SH2D4A: variants seen among roughly 807,000 people sequenced by gnomAD.
SH2D4A encodes SH2 domain-containing protein 4A.
A neutral mutation model predicts 64.7 loss-of-function variants in SH2D4A; 70 were observed. That is an observed-to-expected ratio of 1.08 (90% CI 0.89 to 1.32). The LOEUF (loss-of-function observed/expected upper bound fraction) is 1.32. Among genes scored for constraint, SH2D4A ranks in the 40% most tolerant of loss-of-function variants. SH2D4A has a pLI of 0.00. For synonymous variants in SH2D4A, 268 were observed against 200.7 expected, an observed-to-expected ratio of 1.34 and a Z score of -2.83; for missense variants, 706 against 540.1, an observed-to-expected ratio of 1.31 and a Z score of -3.04.
intron 4 of SH2D4A, among the ~76,000 whole-genome samples, chr8:19,346,508 C>T (rs2052615509): frequency 6.6e-6 from 1 of 152,206 alleles, no homozygotes; most frequent in Non-Finnish European, 1.5e-5. Flanking sequence ...ACTGATTCTG[C>T]ATTATGAATT....
Position 19,357,209 on chromosome 8 carries a change from T to C in SH2D4A, c.520T>C (p.Ser174Pro), listed in dbSNP as rs2052806339. The C allele has an allele frequency of 1.2e-6, 2 of 1,612,964 alleles. No homozygotes were observed. The highest frequency in any genetic ancestry group is 1.1e-5 in the South Asian group (1 of 91,058). ...TGTTTCGTTTAATTTTTAGTCACTC[T>C]CCAGTTCTTCAAGAAATATTCAACA... ...TLEEEKIRSL[S>P]SSSRNIQQML... The change falls in exon 5 of 10, where the codon TCC becomes CCC. Residue 174 changes from serine (S) to proline (P), a missense_variant. By Grantham distance (74) the Ser-to-Pro change is moderately conservative. Transcript: ENST00000265807.
chr8:19,374,422 G>A (rs762242321), intron 8 of SH2D4A, among the ~76,000 whole-genome samples: 1 of 152,110 alleles, frequency 6.6e-6, no homozygotes, highest in Admixed American at 6.6e-5. Flanking sequence ...AACAAAAGGT[G>A]CTTTAAAACA....
At chr8:19,323,381 A>ATTT (rs750438816) in intron 2 of SH2D4A, among the ~76,000 whole-genome samples, 1 of 141,928 alleles carries the variant, frequency 7.0e-6, no homozygotes, top group African/African-American at 2.6e-5. Context: ...GTTCCTTTTG[A>ATTT]TTTTTTTTTT....
intron 8 of SH2D4A, among the ~76,000 whole-genome samples, chr8:19,375,861 T>A (rs1463247349): frequency 6.6e-6 from 1 of 152,178 alleles, no homozygotes; most frequent in African/African-American, 2.4e-5. Flanking sequence ...CATAAATTTA[T>A]ACAATTGTAA....
chr8:19,345,332 C>T (rs2052596706), intron 4 of SH2D4A, among the ~76,000 whole-genome samples: 1 of 152,230 alleles, frequency 6.6e-6, no homozygotes, highest in Non-Finnish European at 1.5e-5. Context: ...TAGCTCTACA[C>T]ATGCAGATCT....
chr8:19,352,115 A>G (rs528157774), intron 4 of SH2D4A, among the ~76,000 whole-genome samples: 7 of 152,328 alleles, frequency 4.6e-5, no homozygotes, highest in African/African-American at 1.4e-4. Flanking sequence ...GGGAATATTA[A>G]GTTAGAAGCC....
At chr8:19,376,780 T>C (rs2053202995) in intron 8 of SH2D4A, among the ~76,000 whole-genome samples, 1 of 152,160 alleles carries the variant, frequency 6.6e-6, no homozygotes, top group Non-Finnish European at 1.5e-5. Context: ...ACTGTGCTGG[T>C]CTGCTTGCTA....
chr8:19,352,171 T>G (rs188159392), intron 4 of SH2D4A, among the ~76,000 whole-genome samples: 2 of 152,364 alleles, frequency 1.3e-5, no homozygotes, highest in East Asian at 3.9e-4. Context: ...AACATAATTC[T>G]TCTCATTTGA....
intron 9 of SH2D4A, 134 bp from the exon 10 acceptor site, chr8:19,394,416 C>A: frequency 1.8e-6 from 1 of 566,660 alleles, no homozygotes; most frequent in Non-Finnish European, 3.0e-6. Context: ...AAGAAAAATG[C>A]CTTTTAAGAT....
intron 2 of SH2D4A, among the ~76,000 whole-genome samples, chr8:19,325,941 G>A (rs1003824831): frequency 3.9e-5 from 6 of 152,142 alleles, no homozygotes; most frequent in African/African-American, 1.2e-4. Flanking sequence ...TCACCCTGCC[G>A]CTCTGTGGAG....
intron 4 of SH2D4A, among the ~76,000 whole-genome samples, chr8:19,346,054 T>A (rs1185065758): frequency 6.6e-6 from 1 of 152,238 alleles, no homozygotes; most frequent in Admixed American, 6.5e-5. Flanking sequence ...TGGTTTAAAA[T>A]TTTTATTATA....
At position 19,394,667 on chromosome 8, in the gene SH2D4A, A is replaced by C. The variant is rs2053557634; in HGVS notation, c.*25A>C. 9 of 1,568,994 alleles carry C rather than the reference A, an allele frequency of 5.7e-6. No homozygotes were observed. Among genetic ancestry groups the C allele is most frequent in the Non-Finnish European group, 6.9e-6 (8 of 1,152,246 alleles). On this transcript the variant is annotated 3_prime_UTR_variant, in exon 10 of 10. Transcript: ENST00000265807. ...ACAGCCTCCATCAGGGTCATCCTAC[A>C]GCCTCCAAGCGGGCTTTCCCCTGGA...
intron 1 of SH2D4A, among the ~76,000 whole-genome samples, chr8:19,317,552 G>C (rs1460976611): frequency 1.3e-5 from 2 of 152,144 alleles, no homozygotes; most frequent in Non-Finnish European, 2.9e-5. Flanking sequence ...GCGAATCTAA[G>C]AGCTGAGTAT....
At chr8:19,353,948 G>C (rs1450542257) in intron 4 of SH2D4A, among the ~76,000 whole-genome samples, 1 of 151,084 alleles carries the variant, frequency 6.6e-6, no homozygotes, top group Non-Finnish European at 1.5e-5. Flanking sequence ...TTGAATAGAA[G>C]TGTTTAAATA....
At chr8:19,389,247 C>G (rs554467350) in intron 8 of SH2D4A, among the ~76,000 whole-genome samples, 1 of 152,320 alleles carries the variant, frequency 6.6e-6, no homozygotes, top group Non-Finnish European at 1.5e-5. Context: ...TGAGTTACTT[C>G]TGGGCTCTTG....
intron 9 of SH2D4A, 73 bp from the exon 10 acceptor site, chr8:19,394,477 T>C: frequency 2.0e-6 from 2 of 995,250 alleles, no homozygotes; most frequent in Non-Finnish European, 2.9e-6. Flanking sequence ...CAGCTAGTGA[T>C]GTCCTCTGAG....
At chr8:19,314,555 A>G (rs865794793) in intron 1 of SH2D4A, among the ~76,000 whole-genome samples, 2 of 152,238 alleles carry the variant, frequency 1.3e-5, no homozygotes, top group South Asian at 2.1e-4. Context: ...GGAAGGAGCT[A>G]CAGTTTGTAG....
intron 4 of SH2D4A, among the ~76,000 whole-genome samples, chr8:19,346,062 A>T (rs2052608249): frequency 6.6e-6 from 1 of 152,250 alleles, no homozygotes; most frequent in Admixed American, 6.5e-5. Flanking sequence ...AATTTTTATT[A>T]TACCGAATAA....
chr8:19,353,614 A>G lies in SH2D4A; in HGVS notation c.514-3589A>G, dbSNP rs182319198. 1.4e-3 allele frequency among the ~76,000 whole-genome samples: 208 copies of G among 145,068 alleles called. 2 individuals carry two copies. Among genetic ancestry groups the G allele is most frequent in the African/African-American group, 4.8e-3 (186 of 38,844 alleles). ...GATCTCTTGAGCTTGTGATTTGCCCACCTCAGACTCCCAAAGTGCTGGGAT... is the reference window on the plus strand; with the variant it reads ...GATCTCTTGAGCTTGTGATTTGCCCGCCTCAGACTCCCAAAGTGCTGGGAT... On this transcript the variant is annotated intron_variant, in intron 4 of 9. Coordinates refer to ENST00000265807, the MANE Select transcript of SH2D4A (RefSeq NM_022071.4).
Sources: allele counts gnomAD v4.1 joint callset (sites outside exome capture counted in the v4.1 genomes callset), GRCh38; gene constraint gnomAD v4.1.1; transcripts MANE v1.5; gene names NCBI Gene and HGNC (gene_info 2026-07-23, HGNC 2026-07-21).